Variants in NID2 observed in about 807,000 individuals in gnomAD.
The protein encoded by NID2 is nidogen-2.
NID2 carries 83 observed loss-of-function variants against 145.4 expected under a neutral mutation model. The observed-to-expected ratio is 0.57, with a 90% CI of 0.48 to 0.69. The LOEUF is 0.69. Ranked by LOEUF, NID2 falls within the 30% of genes least tolerant of loss-of-function variation. NID2 has a pLI of 0.00. For missense variants in NID2, 1,807 were observed against 1,765.7 expected (o/e 1.02, Z -0.42); for synonymous variants, 739 against 701.3 (o/e 1.05, Z -0.85).
At chr14:52,009,001 G>A (rs892333772) in intron 18 of NID2, 1 of 152,214 alleles carries the variant, frequency 6.6e-6, no homozygotes, top group African/African-American at 2.4e-5. Flanking sequence ...TTTATCGTTA[G>A]AGCAGAAATA....
intron 16 of NID2, among the ~76,000 whole-genome samples, chr14:52,012,713 A>T (rs1021395009): frequency 4.1e-5 from 5 of 121,108 alleles, no homozygotes; most frequent in African/African-American, 1.3e-4. Flanking sequence ...CAAGTCTTTT[A>T]AAAAAATAAT....
chr14:52,009,390 A>G (rs1235018831), intron 18 of NID2: 2 of 152,246 alleles, frequency 1.3e-5, no homozygotes, highest in Non-Finnish European at 2.9e-5. Context: ...TAAAGGTGAA[A>G]TCTATAGAAA....
intron 5 of NID2, among the ~76,000 whole-genome samples, chr14:52,051,534 G>A (rs547698426): frequency 3.3e-5 from 5 of 152,282 alleles, no homozygotes; most frequent in Non-Finnish European, 5.9e-5. Flanking sequence ...ACTTAGTACC[G>A]GACAATGTTC....
intron 2 of NID2, 53 bp downstream of exon 2, chr14:52,067,805 A>T: frequency 6.2e-7 from 1 of 1,600,296 alleles, no homozygotes; most frequent in East Asian, 2.2e-5. Flanking sequence ...CTGCCCCAGA[A>T]TTTAAGCCCA....
intron 12 of NID2, among the ~76,000 whole-genome samples, chr14:52,026,727 G>C (rs1345026228): frequency 2.6e-5 from 4 of 152,146 alleles, no homozygotes; most frequent in Admixed American, 2.6e-4. Context: ...ATAGATTTCT[G>C]GGAGAAAAGT....
intron 18 of NID2, 138 bp from the exon 19 acceptor site, chr14:52,008,105 A>C (rs1009586906): frequency 2.6e-5 from 16 of 605,276 alleles, no homozygotes; most frequent in Non-Finnish European, 4.5e-5. Context: ...CTGCATTAGT[A>C]GTGTCTTGCT....
At chr14:52,018,992 C>G in intron 14 of NID2, 69 bp downstream of exon 14, 1 of 1,252,238 alleles carries the variant, frequency 8.0e-7, no homozygotes, top group East Asian at 2.5e-5. Context: ...CCTGCGTGGT[C>G]TGGGCAGGAA....
rs1449445701 is a variant in NID2, at chr14:52,029,553, A to C, written c.2395T>G (p.Cys799Gly). 5 of 1,611,774 alleles carry C rather than the reference A, an allele frequency of 3.1e-6. No individual in the cohort carries two copies. The highest frequency in any genetic ancestry group is 4.2e-6 in the Non-Finnish European group (5 of 1,178,234). Reference protein sequence around the residue: ...ASGYQGDGRNCVDENECATGF... With the variant: ...ASGYQGDGRNGVDENECATGF... Reference sequence around the variant, plus strand: ...ACGAGAACATGGCTCTTACCCACACAGTTCCGTCCATCTCCCTGGTACCCA... The same window carrying C: ...ACGAGAACATGGCTCTTACCCACACCGTTCCGTCCATCTCCCTGGTACCCA... Residue 799 changes from cysteine to glycine, a missense_variant, in exon 10 of 22, where the codon TGT (cysteine) becomes GGT (glycine). Coordinates refer to ENST00000216286, the MANE Select transcript of NID2 (RefSeq NM_007361.4).
intron 21 of NID2, 37 bp from the exon 22 acceptor site, chr14:52,005,533 G>GT: frequency 6.3e-7 from 1 of 1,590,814 alleles, no homozygotes; most frequent in Non-Finnish European, 8.5e-7. Flanking sequence ...AGGGTGGTGG[G>GT]TGAGTATATT....
chr14:52,067,123 T>A (rs1238231261), intron 2 of NID2, among the ~76,000 whole-genome samples: 1 of 152,208 alleles, frequency 6.6e-6, no homozygotes, highest in Non-Finnish European at 1.5e-5. Context: ...TGCAAAGATT[T>A]AGCTTTTTAA....
At chr14:52,030,598 G>GAGAA (rs753130228) in intron 9 of NID2, among the ~76,000 whole-genome samples, 2 of 64,424 alleles carry the variant, frequency 3.1e-5, no homozygotes. Flanking sequence ...AAGAAAGAAA[G>GAGAA]AAAGAAAGAG....
At position 52,069,040 on chromosome 14, in the gene NID2, C is replaced by T. The variant is rs765769586; in HGVS notation, c.-46G>A. 14 of 1,474,078 alleles carry T rather than the reference C, an allele frequency of 9.5e-6. No individual in the cohort carries two copies. Among genetic ancestry groups the T allele is most frequent in the African/African-American group, 2.8e-5 (2 of 72,644 alleles). 91.3% of individuals were successfully genotyped at this position (1,474,078 alleles called of 1,614,324 possible). On this transcript the variant is annotated 5_prime_UTR_variant, in exon 1 of 22. Coordinates refer to ENST00000216286, the MANE Select transcript of NID2 (RefSeq NM_007361.4). ...ACCCGCTGCACAACGCGTCCCGCCC[C>T]GGCCTCCAGCCCACTCTCCGCGCCG... is the stretch of plus-strand genomic sequence containing the variant.
chr14:52,052,522 C>T (rs750285494), intron 5 of NID2, among the ~76,000 whole-genome samples: 3 of 152,208 alleles, frequency 2.0e-5, no homozygotes, highest in Non-Finnish European at 4.4e-5. Context: ...GATTCAAACT[C>T]GAAGCCGACA....
intron 2 of NID2, among the ~76,000 whole-genome samples, chr14:52,066,508 C>T (rs1566778747): frequency 1.3e-5 from 2 of 152,120 alleles, no homozygotes; most frequent in East Asian, 1.9e-4. Flanking sequence ...ATACCCCATT[C>T]TCCAAGATGT....
chr14:52,031,949 G>A (rs1255588983), intron 9 of NID2, among the ~76,000 whole-genome samples: 2 of 152,126 alleles, frequency 1.3e-5, no homozygotes, highest in Non-Finnish European at 2.9e-5. Context: ...GGGGAGACTT[G>A]CCCAGAGTGA....
intron 15 of NID2, 113 bp downstream of exon 15, chr14:52,014,941 T>A: frequency 1.2e-6 from 1 of 836,976 alleles, no homozygotes; most frequent in South Asian, 1.6e-5. Flanking sequence ...CATAGTGACT[T>A]CTTTCATTAG....
chr14:52,055,630 A>G (rs1235831686), intron 3 of NID2, among the ~76,000 whole-genome samples: 1 of 152,150 alleles, frequency 6.6e-6, no homozygotes, highest in Non-Finnish European at 1.5e-5. Flanking sequence ...GAACAACTAC[A>G]TATGATTTCT....
chr14:52,020,943 G>A (rs539489887), intron 12 of NID2, among the ~76,000 whole-genome samples: 23 of 152,086 alleles, frequency 1.5e-4, no homozygotes, highest in Non-Finnish European at 1.2e-4. Context: ...TCAAACAAAA[G>A]CCAACTTACA....
At chr14:52,043,797 G>T (rs1249325066) in intron 5 of NID2, among the ~76,000 whole-genome samples, 2 of 152,138 alleles carry the variant, frequency 1.3e-5, no homozygotes, top group African/African-American at 4.8e-5. Context: ...GTGTGGCGGG[G>T]GTTGTGGATG....
Sources: allele counts gnomAD v4.1 joint callset (sites outside exome capture counted in the v4.1 genomes callset), GRCh38; gene constraint gnomAD v4.1.1; transcripts MANE v1.5; gene names NCBI Gene and HGNC (gene_info 2026-07-23, HGNC 2026-07-21).